LRFN2: variants seen among roughly 807,000 people sequenced by gnomAD.
The protein encoded by LRFN2 is leucine rich repeat and fibronectin type III domain containing 2.
Under a neutral mutation model 37.3 loss-of-function variants are expected in LRFN2, and 18 were observed. The ratio of observed to expected loss-of-function variants is 0.48; its 90% CI spans 0.33 to 0.72. The LOEUF is 0.72. LRFN2 is among the 30% of genes least tolerant of loss of function. LRFN2 has a pLI of 0.02. For missense variants in LRFN2, 1,006 were observed against 1,060.7 expected (o/e 0.95, Z 0.72); for synonymous variants, 556 against 466.6 (o/e 1.19, Z -2.47).
chr6:40,445,382 G>A (rs1418334356), intron 1 of LRFN2, among the ~76,000 whole-genome samples: 1 of 152,190 alleles, frequency 6.6e-6, no homozygotes, highest in Non-Finnish European at 1.5e-5. Flanking sequence ...CCTCCCAGAT[G>A]ACATCATTCT....
chr6:40,433,223 T>C (rs922446683), intron 1 of LRFN2, 92 bp from the exon 2 acceptor site: 4 of 1,085,584 alleles, frequency 3.7e-6, no homozygotes, highest in Non-Finnish European at 5.1e-6. Flanking sequence ...CTCACTGCCT[T>C]AGGGAGTGGC....
intron 1 of LRFN2, among the ~76,000 whole-genome samples, chr6:40,459,736 T>C (rs1764306571): frequency 6.6e-6 from 1 of 152,236 alleles, no homozygotes; most frequent in South Asian, 2.1e-4. Flanking sequence ...ATGTGCCTTC[T>C]GGATGGGTTG....
In LRFN2 at chr6:40,540,240, C is replaced by G. The variant is rs528886670; in HGVS notation, c.-19+46701G>C. ...AAAGTGTCACTGCAAATAAAACATT[C>G]AGAACAGGCCCTAGCACTGTTCATA... is the stretch of plus-strand genomic sequence containing the variant. On this transcript the variant is annotated intron_variant, in intron 1 of 2. Transcript: ENST00000338305. Among the ~76,000 whole-genome samples, 6 of 152,326 alleles carry G rather than the reference C, an allele frequency of 3.9e-5. No homozygotes were observed. In the South Asian group the frequency reaches 1.2e-3, roughly 32 times the overall value.
At chr6:40,548,684 A>ATAGC (rs1411000979) in intron 1 of LRFN2, among the ~76,000 whole-genome samples, 1 of 152,210 alleles carries the variant, frequency 6.6e-6, no homozygotes, top group Non-Finnish European at 1.5e-5. Flanking sequence ...AGAGGAATAT[A>ATAGC]TAGCCTAAAC....
intron 2 of LRFN2, among the ~76,000 whole-genome samples, chr6:40,422,863 A>G (rs991550963): frequency 1.4e-4 from 21 of 152,210 alleles, no homozygotes; most frequent in African/African-American, 4.8e-4. Context: ...AGGGGGAAAA[A>G]GCTTCATTTC....
Position 40,397,557 on chromosome 6 carries a change from G to A in LRFN2, c.1401-4645C>T, listed in dbSNP as rs551868935. On this transcript the variant is annotated intron_variant, in intron 2 of 2. Transcript: ENST00000338305. ...ACTCCTTAGCTGGGCTCCCAAACCA[G>A]GCTGCTGTCACATTGTTGTCCTTCT... 5.9e-5 allele frequency among the ~76,000 whole-genome samples: 9 copies of A among 152,222 alleles called. 1 individual carries two copies. In the East Asian group the frequency reaches 1.7e-3, roughly 29 times the overall value.
chr6:40,503,502 C>T (rs1333697803), intron 1 of LRFN2, among the ~76,000 whole-genome samples: 1 of 152,138 alleles, frequency 6.6e-6, no homozygotes, highest in Non-Finnish European at 1.5e-5. Flanking sequence ...CCCACAAGCT[C>T]TATTGTAGAC....
chr6:40,459,759 A>C (rs531287948), intron 1 of LRFN2, among the ~76,000 whole-genome samples: 1 of 152,370 alleles, frequency 6.6e-6, no homozygotes, highest in East Asian at 1.9e-4. Flanking sequence ...GAAGACACAC[A>C]GCAAAGACTT....
intron 1 of LRFN2, among the ~76,000 whole-genome samples, chr6:40,486,679 G>A (rs1254652940): frequency 6.6e-6 from 1 of 152,198 alleles, no homozygotes; most frequent in Non-Finnish European, 1.5e-5. Context: ...TTTACGCAGT[G>A]AAAGCTGGGG....
chr6:40,544,688 C>T lies in LRFN2; in HGVS notation c.-19+42253G>A, dbSNP rs546677943. On this transcript the variant is annotated intron_variant, in intron 1 of 2. Coordinates refer to ENST00000338305, the MANE Select transcript of LRFN2 (RefSeq NM_020737.3). ...GGAGAATCAGCAGCAACCACCTCCC[C>T]GCTTTAAGCCTGCCAGTATAAAGGG... Among the ~76,000 whole-genome samples the T allele has an allele frequency of 3.3e-5, 5 of 152,344 alleles. No homozygotes were observed. In the East Asian group the frequency reaches 5.8e-4, roughly 18 times the overall value.
At chr6:40,431,638 G>T in intron 2 of LRFN2, 76 bp downstream of exon 2, 1 of 1,326,414 alleles carries the variant, frequency 7.5e-7, no homozygotes. Context: ...GGTGGGAGCA[G>T]CCCCAAGACC....
chr6:40,557,264 A>G (rs750032624), intron 1 of LRFN2, among the ~76,000 whole-genome samples: 43 of 152,212 alleles, frequency 2.8e-4, no homozygotes, highest in Non-Finnish European at 6.0e-4. Context: ...GCCTGGCCCC[A>G]AGGCACCGAC....
intron 1 of LRFN2, among the ~76,000 whole-genome samples, chr6:40,503,931 A>G (rs1338274170): frequency 6.6e-6 from 1 of 152,074 alleles, no homozygotes; most frequent in Non-Finnish European, 1.5e-5. Context: ...GCCCATTCAG[A>G]AAGGCTGGAG....
intron 1 of LRFN2, among the ~76,000 whole-genome samples, chr6:40,445,638 C>T (rs545768846): frequency 6.6e-6 from 1 of 152,172 alleles, no homozygotes; most frequent in Non-Finnish European, 1.5e-5. Flanking sequence ...ATTACAGAAA[C>T]CTTTTAAAGG....
intron 1 of LRFN2, among the ~76,000 whole-genome samples, chr6:40,584,068 C>T (rs1767455879): frequency 6.6e-6 from 1 of 152,208 alleles, no homozygotes; most frequent in African/African-American, 2.4e-5. Context: ...ACCATCAATT[C>T]TCAAAGTTTT....
chr6:40,486,413 T>G (rs1016839956), intron 1 of LRFN2, among the ~76,000 whole-genome samples: 5 of 152,184 alleles, frequency 3.3e-5, no homozygotes. Flanking sequence ...GCGGGACCCC[T>G]GAGCCCTGGA....
chr6:40,581,439 C>T (rs1200192906), intron 1 of LRFN2, among the ~76,000 whole-genome samples: 1 of 152,178 alleles, frequency 6.6e-6, no homozygotes, highest in Non-Finnish European at 1.5e-5. Context: ...ATTCTAGGTT[C>T]CGCTGCACCC....
intron 1 of LRFN2, among the ~76,000 whole-genome samples, chr6:40,579,327 G>A (rs959775660): frequency 4.6e-5 from 7 of 152,134 alleles, no homozygotes; most frequent in Admixed American, 1.3e-4. Context: ...AGGCAAGGAG[G>A]AAGATTAATG....
At chr6:40,548,331 C>T (rs1766702248) in intron 1 of LRFN2, among the ~76,000 whole-genome samples, 1 of 152,018 alleles carries the variant, frequency 6.6e-6, no homozygotes, top group African/African-American at 2.4e-5. Context: ...ATTCCAGTTA[C>T]TTGGGAGGCA....
Sources: allele counts gnomAD v4.1 joint callset (sites outside exome capture counted in the v4.1 genomes callset), GRCh38; gene constraint gnomAD v4.1.1; transcripts MANE v1.5; gene names NCBI Gene and HGNC (gene_info 2026-07-23, HGNC 2026-07-21).